The following PROS1 variants were observed in gnomAD, a reference collection of about 807,000 sequenced individuals.
PROS1 encodes the protein vitamin K-dependent protein S.
A neutral mutation model predicts 75.9 loss-of-function variants in PROS1; 29 were observed. That is an observed-to-expected ratio of 0.38 (90% confidence interval 0.28 to 0.52). The LOEUF is 0.52. Ranked by LOEUF, PROS1 falls within the 20% of genes least tolerant of loss-of-function variation. The pLI is 0.83. For synonymous variants in PROS1, 245 were observed against 280.6 expected, an observed-to-expected ratio of 0.87 and a Z score of 1.27; for missense variants, 680 against 810.3, an observed-to-expected ratio of 0.84 and a Z score of 1.95.
intron 1 of PROS1, among the ~76,000 whole-genome samples, chr3:93,967,101 G>A (rs987966083): frequency 6.6e-6 from 1 of 152,162 alleles, no homozygotes; most frequent in Admixed American, 6.5e-5. Flanking sequence ...GGCCACACTG[G>A]ATCTGCCACA....
chr3:93,944,953 A>G (rs1358903365), intron 1 of PROS1, among the ~76,000 whole-genome samples: 1 of 152,192 alleles, frequency 6.6e-6, no homozygotes, highest in African/African-American at 2.4e-5. Context: ...GAGAAGAATC[A>G]AATAGACGCA....
chr3:93,946,631 C>T (rs1405368427), intron 1 of PROS1, among the ~76,000 whole-genome samples: 2 of 152,066 alleles, frequency 1.3e-5, no homozygotes, highest in Non-Finnish European at 2.9e-5. Context: ...GGATCCCTTC[C>T]TTACACCTTA....
At chr3:93,927,973 G>GTA (rs1274766996) in intron 1 of PROS1, among the ~76,000 whole-genome samples, 1 of 94,112 alleles carries the variant, frequency 1.1e-5, no homozygotes, top group African/African-American at 3.8e-5. Flanking sequence ...ATATATGTGT[G>GTA]TATATATATG....
At chr3:93,957,451 T>C (rs1487069577) in intron 1 of PROS1, among the ~76,000 whole-genome samples, 1 of 152,190 alleles carries the variant, frequency 6.6e-6, no homozygotes, top group African/African-American at 2.4e-5. Context: ...ATCACTGGCT[T>C]ACAGCTAGCA....
chr3:93,908,699 T>A (rs1708712059), intron 4 of PROS1, among the ~76,000 whole-genome samples: 2 of 152,212 alleles, frequency 1.3e-5, no homozygotes, highest in South Asian at 4.1e-4. Flanking sequence ...TCAGGTGGAA[T>A]CCTCACAAGG....
intron 1 of PROS1, among the ~76,000 whole-genome samples, chr3:93,948,258 T>A (rs1216754421): frequency 1.3e-5 from 2 of 151,858 alleles, no homozygotes; most frequent in Admixed American, 1.3e-4. Flanking sequence ...TAAACAAATT[T>A]GAGAGGCTCT....
chr3:93,907,127 C>A (rs1708688210), intron 4 of PROS1, among the ~76,000 whole-genome samples: 1 of 152,234 alleles, frequency 6.6e-6, no homozygotes, highest in African/African-American at 2.4e-5. Context: ...GGCTACCAGT[C>A]CTGCTGACTG....
intron 3 of PROS1, 93 bp downstream of exon 3, chr3:93,924,147 T>C (rs1007787220): frequency 7.6e-5 from 62 of 820,840 alleles, no homozygotes; most frequent in African/African-American, 5.7e-4. Flanking sequence ...TGAAATTACA[T>C]TGGATGGAAT....
chr3:93,900,398 A>C (rs1708573703), intron 7 of PROS1, among the ~76,000 whole-genome samples: 1 of 152,222 alleles, frequency 6.6e-6, no homozygotes, highest in Admixed American at 6.5e-5. Flanking sequence ...TGGAATAAAA[A>C]CTAAAGTTTT....
At chr3:93,916,231 T>G (rs935563709) in intron 3 of PROS1, among the ~76,000 whole-genome samples, 2 of 152,212 alleles carry the variant, frequency 1.3e-5, no homozygotes, top group African/African-American at 4.8e-5. Flanking sequence ...TTTGTCCTTC[T>G]TCTTGAATCA....
At position 93,894,072 on chromosome 3, in the gene PROS1, C is replaced by T. The variant is rs573260712; in HGVS notation, c.966-950G>A. On this transcript the variant is annotated intron_variant, in intron 9 of 14. Transcript: ENST00000394236. ...GGGAAAAGGAACAATAGGTGTATAA[C>T]TATTAGTCACCTAACTTAAAATAAA... Among the ~76,000 whole-genome samples the T allele has an allele frequency of 2.6e-5, 4 of 152,188 alleles. No homozygotes were observed. The East Asian group carries it at 7.7e-4, about 29-fold the overall frequency.
chr3:93,890,293 T>C (rs1348253321), intron 10 of PROS1, among the ~76,000 whole-genome samples: 2 of 152,242 alleles, frequency 1.3e-5, no homozygotes, highest in African/African-American at 2.4e-5. Flanking sequence ...CCGCTGAACA[T>C]AGACCCTTAT....
At chr3:93,962,272 A>G in intron 1 of PROS1, among the ~76,000 whole-genome samples, 1 of 151,714 alleles carries the variant, frequency 6.6e-6, no homozygotes, top group South Asian at 2.1e-4. Context: ...AGATGAATAG[A>G]CAACCCACCG....
chr3:93,889,655 G>A (rs1356510907), intron 10 of PROS1, among the ~76,000 whole-genome samples: 1 of 152,180 alleles, frequency 6.6e-6, no homozygotes, highest in African/African-American at 2.4e-5. Flanking sequence ...ACTGGATGGA[G>A]CCACAGCAGA....
intron 9 of PROS1, among the ~76,000 whole-genome samples, chr3:93,895,532 A>G (rs761238234): frequency 1.3e-5 from 2 of 152,216 alleles, no homozygotes; most frequent in Non-Finnish European, 2.9e-5. Flanking sequence ...TTATTTAATG[A>G]ATAATCATTC....
chr3:93,934,615 G>T (rs1239211943), intron 1 of PROS1, among the ~76,000 whole-genome samples: 2 of 152,170 alleles, frequency 1.3e-5, no homozygotes, highest in African/African-American at 4.8e-5. Context: ...TAGAGTCAAA[G>T]ATCATTAAGA....
At chr3:93,879,787 A>G (rs1489573474) in intron 12 of PROS1, among the ~76,000 whole-genome samples, 1 of 152,240 alleles carries the variant, frequency 6.6e-6, no homozygotes, top group African/African-American at 2.4e-5. Context: ...TCGATACTAG[A>G]GAAATACACT....
chr3:93,923,649 C>T lies in PROS1; in HGVS notation c.259+591G>A, dbSNP rs1191535562. Among the ~76,000 whole-genome samples, 5 of 152,130 alleles carry T rather than the reference C, an allele frequency of 3.3e-5. No homozygotes were observed. The East Asian group carries it at 9.6e-4, about 29-fold the overall frequency. On this transcript the variant is annotated intron_variant, in intron 3 of 14. Coordinates refer to ENST00000394236, the MANE Select transcript of PROS1 (RefSeq NM_000313.4). The stretch of plus-strand genomic sequence containing the variant: ...GGCAGGGTGGGTCATGCCTGTAATC[C>T]TAGCACTTTGGGAGGCTGAGGAGAG...
At chr3:93,897,105 C>T (rs1708513714) in intron 8 of PROS1, among the ~76,000 whole-genome samples, 1 of 151,920 alleles carries the variant, frequency 6.6e-6, no homozygotes, top group Non-Finnish European at 1.5e-5. Flanking sequence ...AATTAATGTA[C>T]CAATAAACAG....
Sources: gnomAD v4.1 joint callset for allele counts (sites outside exome capture counted in the v4.1 genomes callset) on GRCh38, gnomAD v4.1.1 for gene constraint, MANE v1.5 for transcripts, NCBI Gene and HGNC (gene_info 2026-07-23, HGNC 2026-07-21) for gene names.